The following GMNN variants were observed in gnomAD, a reference collection of about 807,000 sequenced individuals.
GMNN encodes the protein geminin.
Under a neutral mutation model 20.9 loss-of-function variants are expected in GMNN, and 14 were observed. The ratio of observed to expected loss-of-function variants is 0.67; its 90% CI spans 0.44 to 1.05. The LOEUF is 1.05. Among genes scored for constraint, GMNN ranks in the 50% least tolerant of loss-of-function variants. GMNN has a pLI of 0.00. For missense variants in GMNN, 227 were observed against 243.8 expected, an observed-to-expected ratio of 0.93 and a Z score of 0.46; for synonymous variants, 81 against 85.8, an observed-to-expected ratio of 0.94 and a Z score of 0.31.
rs1335455664 is a variant in GMNN, at chr6:24,780,710, A to C, written c.99A>C (p.Ala33=). 4 of 1,595,438 alleles carry C rather than the reference A, an allele frequency of 2.5e-6. No homozygotes were observed. Among genetic ancestry groups the C allele is most frequent in the Non-Finnish European group, 3.4e-6 (4 of 1,163,094 alleles). Residue 33 remains alanine (A), a synonymous_variant, in exon 3 of 7, where the codon GCA becomes GCC. Coordinates refer to ENST00000230056, the MANE Select transcript of GMNN (RefSeq NM_015895.5). The part of the protein sequence containing the change: ...RRTLKMIQPS[A]SGSLVGRENE... Reference sequence around the variant, plus strand: ...CTCTGAAGATGATTCAGCCTTCTGCATCTGGATCTCTTGTTGGAAGAGAAA... The same window carrying C: ...CTCTGAAGATGATTCAGCCTTCTGCCTCTGGATCTCTTGTTGGAAGAGAAA...
chr6:24,779,414 A>C (rs536985784), intron 2 of GMNN, among the ~76,000 whole-genome samples: 1 of 152,194 alleles, frequency 6.6e-6, no homozygotes, highest in Non-Finnish European at 1.5e-5. Context: ...ATTAACAGAA[A>C]GCATTTAAAT....
At chr6:24,783,307 T>C (rs570038626) in intron 4 of GMNN, among the ~76,000 whole-genome samples, 1 of 152,300 alleles carries the variant, frequency 6.6e-6, no homozygotes, top group East Asian at 1.9e-4. Context: ...AATTTTCTTT[T>C]AAATTGGGGT....
At chr6:24,776,621 G>A (rs566047640) in intron 1 of GMNN, among the ~76,000 whole-genome samples, 2 of 152,366 alleles carry the variant, frequency 1.3e-5, no homozygotes, top group South Asian at 4.1e-4. Flanking sequence ...AGTGGGCAGT[G>A]GGCAGTGGAG....
At chr6:24,782,649 A>C (rs1396154019) in intron 4 of GMNN, among the ~76,000 whole-genome samples, 1 of 152,226 alleles carries the variant, frequency 6.6e-6, no homozygotes, top group Non-Finnish European at 1.5e-5. Context: ...TGACACTCAT[A>C]TCTGATTAGG....
chr6:24,785,009 A>T (rs1258355985), intron 6 of GMNN, among the ~76,000 whole-genome samples: 1 of 152,190 alleles, frequency 6.6e-6, no homozygotes, highest in Non-Finnish European at 1.5e-5. Flanking sequence ...ACTGTCATTT[A>T]TAAAATTGAT....
Position 24,781,524 on chromosome 6 carries a change from A to G in GMNN, c.177A>G (p.Thr59=), listed in dbSNP as rs1333033293. ...SKRKHRNDHL[T]STTSSPGVIV... ...GGAAACATCGGAATGACCACTTAAC[A>G]TCTACAACTTCCAGCCCTGGGGTTA... Residue 59 remains threonine (T), a synonymous_variant, in exon 4 of 7, where the codon ACA becomes ACG. Transcript: ENST00000230056. 1.3e-6 allele frequency: 2 copies of G among 1,593,456 alleles called. No individual in the cohort carries two copies. The highest frequency in any genetic ancestry group is 1.7e-6 in the Non-Finnish European group (2 of 1,164,668).
chr6:24,777,029 GT>G (rs1780089768), intron 1 of GMNN, 192 bp from the exon 2 acceptor site: 2 of 351,320 alleles, frequency 5.7e-6, no homozygotes, highest in Non-Finnish European at 1.0e-5. Flanking sequence ...ATTATTATGT[GT>G]GTATATATGT....
rs548961898 is a variant in GMNN, at chr6:24,779,139, A to C, written c.52-1524A>C. Among the ~76,000 whole-genome samples the C allele has an allele frequency of 6.6e-5, 10 of 152,310 alleles. No individual in the cohort carries two copies. In the East Asian group the frequency reaches 1.2e-3, roughly 18 times the overall value. The stretch of plus-strand genomic sequence containing the variant: ...GAGTTGCATGCAAAATTCTGTGTGA[A>C]TGTGCTTTTATGTGAATTTTTTTGG... On this transcript the variant is annotated intron_variant, in intron 2 of 6. Coordinates refer to ENST00000230056, the MANE Select transcript of GMNN (RefSeq NM_015895.5).
intron 2 of GMNN, chr6:24,777,879 A>G (rs1399848473): frequency 6.6e-6 from 1 of 152,226 alleles, no homozygotes; most frequent in Non-Finnish European, 1.5e-5. Flanking sequence ...ATATCTTCAG[A>G]ATTAAGAGTC....
chr6:24,780,779 A>C (rs1175116977), intron 3 of GMNN, 39 bp downstream of exon 3: 6 of 922,052 alleles, frequency 6.5e-6, no homozygotes, highest in African/African-American at 6.4e-5. Context: ...CTGGTGATAC[A>C]GTGTCTACAT....
At chr6:24,783,980 GTA>G in intron 4 of GMNN, 105 bp from the exon 5 acceptor site, 1 of 490,780 alleles carries the variant, frequency 2.0e-6, no homozygotes, top group Non-Finnish European at 3.8e-6. Flanking sequence ...TTAAAAATGA[GTA>G]TTACTAAACA....
intron 2 of GMNN, among the ~76,000 whole-genome samples, chr6:24,777,889 CTT>C (rs1160163676): frequency 6.6e-6 from 1 of 152,124 alleles, no homozygotes; most frequent in Non-Finnish European, 1.5e-5. Flanking sequence ...AATTAAGAGT[CTT>C]TGACCACAGA....
intron 2 of GMNN, among the ~76,000 whole-genome samples, chr6:24,779,958 A>G (rs370280487): frequency 6.6e-6 from 1 of 152,190 alleles, no homozygotes; most frequent in Non-Finnish European, 1.5e-5. Flanking sequence ...GGGGATGTCT[A>G]TTACACATGT....
intron 1 of GMNN, chr6:24,776,796 G>C (rs975026917): frequency 6.6e-6 from 1 of 152,612 alleles, no homozygotes; most frequent in African/African-American, 2.4e-5. Context: ...CAGATATTAA[G>C]TCTGTGTTAA....
In GMNN at chr6:24,784,076, T is replaced by C. The variant is rs774346905; in HGVS notation, c.275-11T>C. Reference sequence around the variant, plus strand: ...ATGATTTTTAAAGTTATATTTAAAATATTATTTTAGAAAATCCATCCTCTC... The same window carrying C: ...ATGATTTTTAAAGTTATATTTAAAACATTATTTTAGAAAATCCATCCTCTC... On this transcript the variant is annotated splice_polypyrimidine_tract_variant and intron_variant, in intron 4 of 6. Transcript: ENST00000230056. 9.4e-6 allele frequency: 12 copies of C among 1,273,092 alleles called. No individual in the cohort carries two copies. Among genetic ancestry groups the C allele is most frequent in the Non-Finnish European group, 1.3e-5 (12 of 890,452 alleles). 78.9% of individuals were successfully genotyped at this position (1,273,092 alleles called of 1,614,324 possible). A position where few individuals can be genotyped will look rare whatever the true frequency, so the allele number is the denominator to read the frequency against.
intron 2 of GMNN, among the ~76,000 whole-genome samples, chr6:24,779,860 T>C (rs542667578): frequency 6.6e-6 from 1 of 152,368 alleles, no homozygotes; most frequent in East Asian, 1.9e-4. Context: ...TAGAGTATTT[T>C]AGTATGCCTC....
chr6:24,781,060 G>A (rs2064976), intron 3 of GMNN, among the ~76,000 whole-genome samples: 99,300 of 151,854 alleles, frequency 0.65, 35,046 homozygotes, highest in African/African-American at 0.91. Context: ...AAAATTAGCC[G>A]GGCGTGGTGG....
Position 24,785,777 on chromosome 6 carries a change from C to T in GMNN, c.608C>T (p.Thr203Met), listed in dbSNP as rs2307303. The change falls in exon 7 of 7, where the codon ACG becomes ATG. Residue 203 changes from threonine to methionine, a missense_variant. Thr to Met is a moderately conservative substitution (Grantham distance 81, BLOSUM62 -1). Coordinates refer to ENST00000230056, the MANE Select transcript of GMNN (RefSeq NM_015895.5). ...TCAEGTVSSS[T>M]DAKPCI ...GCTGAAGGAACTGTATCTTCCTCTACGGATGCAAAGCCATGTATATGAAAT... is the reference window on the plus strand; with the variant it reads ...GCTGAAGGAACTGTATCTTCCTCTATGGATGCAAAGCCATGTATATGAAAT... 278 of 1,581,750 alleles carry T rather than the reference C, an allele frequency of 1.8e-4. 2 individuals carry two copies. The East Asian group carries it at 4.1e-3, about 23-fold the overall frequency.
Position 24,785,635 on chromosome 6 carries a change from AAG to A in GMNN, c.470_471del. 7.0e-7 allele frequency: 1 copy of A among 1,436,030 alleles called. No individual in the cohort carries two copies. Among genetic ancestry groups the A allele is most frequent in the Non-Finnish European group, 9.6e-7 (1 of 1,037,372 alleles). The allele number at this position is 1,436,030 out of a possible 1,614,324, so 89.0% of individuals were successfully genotyped here. ...AATAAATTATTGGTTTATTCTTTAA[AAG>A]AGACTGAATGGTGAACCTCTGGATA... On this transcript the variant is annotated splice_acceptor_variant, in intron 6 of 6. Transcript: ENST00000230056. LOFTEE classifies it high-confidence loss of function.
Sources: gnomAD v4.1 joint callset for allele counts (sites outside exome capture counted in the v4.1 genomes callset) on GRCh38, gnomAD v4.1.1 for gene constraint, MANE v1.5 for transcripts, NCBI Gene and HGNC (gene_info 2026-07-23, HGNC 2026-07-21) for gene names.